The following EYS variants were observed in gnomAD, a reference collection of about 807,000 sequenced individuals.
EYS encodes EGF-like photoreceptor maintenance factor, also known as protein eyes shut homolog.
In EYS, 250 loss-of-function variants were observed where a neutral mutation model predicts 282.1. The observed-to-expected ratio is 0.89, with a 90% CI of 0.80 to 0.98. The LOEUF (loss-of-function observed/expected upper bound fraction) is 0.98. Among genes scored for constraint, EYS ranks in the 50% least tolerant of loss-of-function variants. EYS has a pLI of 0.00. For missense variants in EYS, 4,016 were observed against 3,709.0 expected (o/e 1.08, Z -2.15); for synonymous variants, 1,355 against 1,282.9 (o/e 1.06, Z -1.20).
intron 22 of EYS, among the ~76,000 whole-genome samples, chr6:64,682,841 T>G (rs189504037): frequency 9.8e-5 from 15 of 152,328 alleles, no homozygotes; most frequent in Non-Finnish European, 1.9e-4. Context: ...GAAACTTGCC[T>G]GGGTCTCTGT....
chr6:63,805,524 ACTTCCCATGTGACTTGGTCAC>A (rs1158409895), intron 37 of EYS, among the ~76,000 whole-genome samples: 1 of 152,200 alleles, frequency 6.6e-6, no homozygotes, highest in African/African-American at 2.4e-5. Flanking sequence ...CAATAAACTT[ACTTCCCATGTGACTTGGTCAC>A]CTTCCCTGTC....
intron 12 of EYS, among the ~76,000 whole-genome samples, chr6:65,268,377 T>C (rs1767812697): frequency 2.0e-5 from 3 of 152,086 alleles, no homozygotes; most frequent in Admixed American, 2.0e-4. Context: ...GAATATTATG[T>C]ATTTCAATAT....
chr6:64,538,308 C>A (rs906999220), intron 26 of EYS, among the ~76,000 whole-genome samples: 4 of 152,056 alleles, frequency 2.6e-5, no homozygotes, highest in African/African-American at 9.7e-5. Flanking sequence ...AAATATATTG[C>A]TTAAAATCTA....
intron 5 of EYS, among the ~76,000 whole-genome samples, chr6:65,470,098 TAGCA>T (rs781360561): frequency 6.6e-6 from 1 of 152,172 alleles, no homozygotes; most frequent in Non-Finnish European, 1.5e-5. Flanking sequence ...AAAGGACCGA[TAGCA>T]AGCAAGAGAA....
At chr6:64,056,846 C>T (rs1233170479) in intron 33 of EYS, among the ~76,000 whole-genome samples, 2 of 152,132 alleles carry the variant, frequency 1.3e-5, no homozygotes, top group Non-Finnish European at 2.9e-5. Flanking sequence ...CATCATGAGG[C>T]ACAGTAAATT....
chr6:64,020,737 G>T (rs1769148590), intron 33 of EYS, among the ~76,000 whole-genome samples: 1 of 152,206 alleles, frequency 6.6e-6, no homozygotes, highest in East Asian at 1.9e-4. Context: ...TTTATTGATA[G>T]ACAGTCAATG....
intron 12 of EYS, among the ~76,000 whole-genome samples, chr6:65,221,145 G>A (rs1766453128): frequency 6.6e-6 from 1 of 152,210 alleles, no homozygotes; most frequent in Non-Finnish European, 1.5e-5. Flanking sequence ...AAACTTTGCA[G>A]CCCAATGATG....
At chr6:64,644,320 A>AC (rs1554188220) in intron 22 of EYS, among the ~76,000 whole-genome samples, 1 of 151,960 alleles carries the variant, frequency 6.6e-6, no homozygotes, top group Non-Finnish European at 1.5e-5. Context: ...GGCAGAGTTA[A>AC]TTTTTTTACT....
At chr6:65,359,716 G>A (rs1267972021) in intron 8 of EYS, among the ~76,000 whole-genome samples, 1 of 151,786 alleles carries the variant, frequency 6.6e-6, no homozygotes, top group Non-Finnish European at 1.5e-5. Context: ...TATTAATAGT[G>A]GGAAAACCTC....
At position 65,014,936 on chromosome 6, in the gene EYS, G is replaced by T. The variant is rs993706612; in HGVS notation, c.2138-17233C>A. ...AACTATAATCATAAGGGTCTTCCAA[G>T]GGCCTTTATAAGAGAGAGGCAAGAA... On this transcript the variant is annotated intron_variant, in intron 13 of 42. Coordinates refer to ENST00000503581, the MANE Select transcript of EYS (RefSeq NM_001142800.2). Among the ~76,000 whole-genome samples the T allele has an allele frequency of 2.0e-5, 3 of 152,116 alleles. No homozygotes were observed. The South Asian group carries it at 6.2e-4, about 31-fold the overall frequency.
chr6:65,166,193 C>T (rs1024516329), intron 12 of EYS, among the ~76,000 whole-genome samples: 12 of 151,024 alleles, frequency 7.9e-5, no homozygotes, highest in Admixed American at 7.3e-4. Flanking sequence ...GTAAGCCCTA[C>T]TGAAATCCAA....
At chr6:64,941,970 A>T (rs1241923102) in intron 15 of EYS, among the ~76,000 whole-genome samples, 1 of 152,110 alleles carries the variant, frequency 6.6e-6, no homozygotes, top group African/African-American at 2.4e-5. Context: ...TTTTGGATAT[A>T]AGCCCAGTAA....
At position 63,736,694 on chromosome 6, in the gene EYS, C is replaced by T. The variant is rs1225543278; in HGVS notation, c.8072-10014G>A. ...ACCTTGGGCAGTACGGCCATTTTCACGATATTGATTCTTCCTGCCCATGAG... is the reference window on the plus strand; with the variant it reads ...ACCTTGGGCAGTACGGCCATTTTCATGATATTGATTCTTCCTGCCCATGAG... On this transcript the variant is annotated intron_variant, in intron 41 of 42. Transcript: ENST00000503581. Among the ~76,000 whole-genome samples the T allele has an allele frequency of 9.9e-5, 15 of 152,244 alleles. No individual in the cohort carries two copies. In the South Asian group the frequency reaches 1.9e-3, roughly 19 times the overall value.
At chr6:64,493,862 G>A (rs9362903) in intron 26 of EYS, among the ~76,000 whole-genome samples, 4 of 151,116 alleles carry the variant, frequency 2.6e-5, no homozygotes, top group East Asian at 2.0e-4. Context: ...GAGGTACTGG[G>A]ATGAAAGTAG....
At chr6:64,025,785 C>T (rs1407105308) in intron 33 of EYS, among the ~76,000 whole-genome samples, 1 of 152,162 alleles carries the variant, frequency 6.6e-6, no homozygotes, top group Non-Finnish European at 1.5e-5. Flanking sequence ...TGTCACTCTT[C>T]CAACCCTGGA....
chr6:65,272,934 T>C (rs1767944043), intron 12 of EYS, among the ~76,000 whole-genome samples: 1 of 152,182 alleles, frequency 6.6e-6, no homozygotes, highest in Non-Finnish European at 1.5e-5. Context: ...TCAAGTTTAA[T>C]TTATAAATTA....
At chr6:65,383,994 G>A (rs1007342910) in intron 8 of EYS, among the ~76,000 whole-genome samples, 1 of 151,788 alleles carries the variant, frequency 6.6e-6, no homozygotes, top group African/African-American at 2.4e-5. Context: ...TTTTGTATTT[G>A]TAAAGTAATT....
chr6:63,932,556 TA>T (rs1359565210), intron 35 of EYS, among the ~76,000 whole-genome samples: 1 of 152,226 alleles, frequency 6.6e-6, no homozygotes, highest in Non-Finnish European at 1.5e-5. Context: ...TATTTCCTAA[TA>T]TTTGATGTTC....
intron 15 of EYS, among the ~76,000 whole-genome samples, chr6:64,944,636 C>G (rs1325836147): frequency 6.6e-6 from 1 of 152,042 alleles, no homozygotes; most frequent in Non-Finnish European, 1.5e-5. Flanking sequence ...CAGCCCAACA[C>G]CCTTAAAGGG....
Sources: allele counts gnomAD v4.1 joint callset (sites outside exome capture counted in the v4.1 genomes callset), GRCh38; gene constraint gnomAD v4.1.1; transcripts MANE v1.5; gene names NCBI Gene and HGNC (gene_info 2026-07-23, HGNC 2026-07-21).